PRKG1: variants seen among roughly 807,000 people sequenced by gnomAD.
The protein encoded by PRKG1 is protein kinase cGMP-dependent 1, also known as cGMP-dependent protein kinase 1.
A neutral mutation model predicts 88.1 loss-of-function variants in PRKG1; 35 were observed. The ratio of observed to expected loss-of-function variants is 0.40; its 90% CI spans 0.30 to 0.53. PRKG1 has a LOEUF of 0.53. Among genes scored for constraint, PRKG1 ranks in the 20% least tolerant of loss-of-function variants. PRKG1 has a pLI of 0.59. For missense variants in PRKG1, 540 were observed against 839.8 expected (o/e 0.64, Z 4.41); for synonymous variants, 303 against 292.5 (o/e 1.04, Z -0.37).
intron 4 of PRKG1, among the ~76,000 whole-genome samples, chr10:51,872,287 C>T (rs1036007964): frequency 6.6e-6 from 1 of 152,198 alleles, no homozygotes; most frequent in African/African-American, 2.4e-5. Flanking sequence ...GTTTCCCCAT[C>T]TATAGCATCA....
intron 3 of PRKG1, among the ~76,000 whole-genome samples, chr10:51,749,423 C>T (rs1308709604): frequency 1.3e-5 from 2 of 152,106 alleles, no homozygotes; most frequent in Non-Finnish European, 2.9e-5. Flanking sequence ...TCGTTGGATG[C>T]TCACACAGCC....
Position 51,465,810 on chromosome 10 carries a change from A to G in PRKG1, c.479-1913A>G, listed in dbSNP as rs188603450. Reference sequence around the variant, plus strand: ...GTAGATGATGGAATATTATGCTTCAATGTCATCTAATAAATCATACCTCCA... The same window carrying G: ...GTAGATGATGGAATATTATGCTTCAGTGTCATCTAATAAATCATACCTCCA... On this transcript the variant is annotated intron_variant, in intron 2 of 17. Coordinates refer to ENST00000373980, the MANE Select transcript of PRKG1 (RefSeq NM_006258.4). Among the ~76,000 whole-genome samples, 5 of 152,298 alleles carry G rather than the reference A, an allele frequency of 3.3e-5. No homozygotes were observed. In the East Asian group the frequency reaches 5.8e-4, roughly 18 times the overall value.
At chr10:51,129,781 C>A (rs1845518408) in intron 1 of PRKG1, among the ~76,000 whole-genome samples, 1 of 152,156 alleles carries the variant, frequency 6.6e-6, no homozygotes, top group African/African-American at 2.4e-5. Context: ...ATTCTCCAAT[C>A]TCTTTTCTCA....
At chr10:51,028,958 A>C (rs893525511) in intron 1 of PRKG1, among the ~76,000 whole-genome samples, 1 of 152,184 alleles carries the variant, frequency 6.6e-6, no homozygotes, top group Non-Finnish European at 1.5e-5. Context: ...AAAAATAACC[A>C]ATAGCTTAGT....
intron 3 of PRKG1, among the ~76,000 whole-genome samples, chr10:51,796,365 ATTATT>A (rs1273981264): frequency 1.3e-5 from 2 of 152,154 alleles, no homozygotes; most frequent in African/African-American, 4.8e-5. Context: ...CAAAAATATT[ATTATT>A]TTAACATGTA....
At chr10:51,780,899 T>C (rs1437510318) in intron 3 of PRKG1, among the ~76,000 whole-genome samples, 2 of 152,152 alleles carry the variant, frequency 1.3e-5, no homozygotes, top group East Asian at 3.8e-4. Flanking sequence ...TGTCATCACA[T>C]AAAATTTTGA....
chr10:51,065,641 T>A (rs1236152580), intron 1 of PRKG1, among the ~76,000 whole-genome samples: 2 of 152,142 alleles, frequency 1.3e-5, no homozygotes, highest in African/African-American at 4.8e-5. Context: ...TCCCTTTTGA[T>A]TCTTTTCCAT....
intron 2 of PRKG1, among the ~76,000 whole-genome samples, chr10:51,419,323 C>T (rs182950387): frequency 3.3e-5 from 5 of 152,160 alleles, no homozygotes; most frequent in Non-Finnish European, 2.9e-5. Context: ...AGCAGTAAAT[C>T]CTGAGGAATC....
intron 2 of PRKG1, among the ~76,000 whole-genome samples, chr10:51,315,435 TAAAG>T (rs1373355859): frequency 3.3e-5 from 5 of 152,194 alleles, no homozygotes; most frequent in African/African-American, 7.2e-5. Context: ...TTATAAATAA[TAAAG>T]AAACTTTAAG....
At chr10:51,295,613 A>G (rs960153907) in intron 2 of PRKG1, among the ~76,000 whole-genome samples, 1 of 151,754 alleles carries the variant, frequency 6.6e-6, no homozygotes, top group Non-Finnish European at 1.5e-5. Context: ...TCCTAATTAG[A>G]TGCATTCTAT....
At chr10:51,012,475 A>G (rs141310978) in intron 1 of PRKG1, among the ~76,000 whole-genome samples, 179 of 152,358 alleles carry the variant, frequency 1.2e-3, no homozygotes, top group African/African-American at 4.1e-3. Flanking sequence ...GTTCCATACC[A>G]GTCTACCTCC....
intron 3 of PRKG1, among the ~76,000 whole-genome samples, chr10:51,546,155 T>C (rs898124284): frequency 6.6e-6 from 1 of 152,078 alleles, no homozygotes; most frequent in African/African-American, 2.4e-5. Context: ...AGTATAATTA[T>C]GCTTATGCAA....
At chr10:51,773,434 G>C (rs1838355950) in intron 3 of PRKG1, among the ~76,000 whole-genome samples, 2 of 152,028 alleles carry the variant, frequency 1.3e-5, no homozygotes, top group South Asian at 4.1e-4. Flanking sequence ...AGGTGCATCA[G>C]GGATGCTCTG....
intron 2 of PRKG1, among the ~76,000 whole-genome samples, chr10:51,363,172 G>A (rs1588882556): frequency 6.7e-6 from 1 of 149,712 alleles, no homozygotes; most frequent in East Asian, 2.0e-4. Context: ...ATATTTTTAA[G>A]AGACTGAAAA....
chr10:52,105,815 C>T (rs1847406373), intron 7 of PRKG1, among the ~76,000 whole-genome samples: 1 of 151,630 alleles, frequency 6.6e-6, no homozygotes, highest in Non-Finnish European at 1.5e-5. Flanking sequence ...TTCAATGCTT[C>T]TTTTATTTTT....
At chr10:51,398,194 C>G (rs1837631876) in intron 2 of PRKG1, among the ~76,000 whole-genome samples, 1 of 152,138 alleles carries the variant, frequency 6.6e-6, no homozygotes, top group Admixed American at 6.5e-5. Flanking sequence ...GATAGTTTTT[C>G]CATGGGACAG....
intron 5 of PRKG1, among the ~76,000 whole-genome samples, chr10:52,007,037 G>A (rs1564426306): frequency 1.3e-5 from 2 of 152,108 alleles, no homozygotes; most frequent in Non-Finnish European, 2.9e-5. Context: ...AACTTCATAA[G>A]TGAAGGAGAA....
intron 7 of PRKG1, among the ~76,000 whole-genome samples, chr10:52,075,840 C>T (rs1846614760): frequency 2.0e-5 from 3 of 152,116 alleles, no homozygotes; most frequent in Admixed American, 2.0e-4. Flanking sequence ...ACCACCTGCT[C>T]TCTGGTATCT....
intron 9 of PRKG1, among the ~76,000 whole-genome samples, chr10:52,246,748 T>C (rs1315535735): frequency 1.3e-5 from 2 of 151,772 alleles, no homozygotes; most frequent in East Asian, 1.9e-4. Flanking sequence ...TGGTGGTGCA[T>C]GCCTATAATC....
Sources: allele counts gnomAD v4.1 joint callset (sites outside exome capture counted in the v4.1 genomes callset), GRCh38; gene constraint gnomAD v4.1.1; transcripts MANE v1.5; gene names NCBI Gene and HGNC (gene_info 2026-07-23, HGNC 2026-07-21).